The following CTSE variants were observed in gnomAD, a reference collection of about 807,000 sequenced individuals.
The protein encoded by CTSE is erythrocyte membrane aspartic proteinase.
In CTSE, 43 loss-of-function variants were observed where a neutral mutation model predicts 42.8. The observed-to-expected ratio is 1.01, with a 90% CI of 0.79 to 1.30. The LOEUF (loss-of-function observed/expected upper bound fraction) is 1.30. CTSE is among the 50% of genes most tolerant of loss of function. CTSE has a pLI of 0.00. For missense variants in CTSE, 532 were observed against 493.5 expected (o/e 1.08, Z -0.74); for synonymous variants, 205 against 191.5 (o/e 1.07, Z -0.58).
chr1:206,009,269 T>G lies in CTSE; in HGVS notation c.*914A>C, dbSNP rs1278684006. The G allele has an allele frequency of 1.3e-5, 2 of 152,120 alleles. No homozygotes were observed. The highest frequency in any genetic ancestry group is 6.8e-3 in the Middle Eastern group (2 of 294). The allele number at this position is 152,120 out of a possible 1,614,324, so 9.4% of individuals were successfully genotyped here. ...TGACCACTGAAACGATCAGGTAAAATGCTGAACTTTGTAATGAATGATTAA... is the reference window on the plus strand; with the variant it reads ...TGACCACTGAAACGATCAGGTAAAAGGCTGAACTTTGTAATGAATGATTAA... On this transcript the variant is annotated 3_prime_UTR_variant, in exon 9 of 9. Transcript: ENST00000358184.
At chr1:206,023,247 C>T (rs368596182) in intron 1 of CTSE, among the ~76,000 whole-genome samples, 190 bp from the exon 2 acceptor site, 5 of 152,024 alleles carry the variant, frequency 3.3e-5, no homozygotes, top group Non-Finnish European at 7.4e-5. Flanking sequence ...CATCTCTGCC[C>T]TATAGAGTCT....
At position 206,010,331 on chromosome 1, in the gene CTSE, A is replaced by G; in HGVS notation, c.1043T>C (p.Met348Thr). Reference sequence around the variant, plus strand: ...TTGAAAGCCACTGCTGCAGAACTGCATTCCATCCACGAAGTCCTGTGGGTT... The same window carrying G: ...TTGAAAGCCACTGCTGCAGAACTGCGTTCCATCCACGAAGTCCTGTGGGTT... ...AYTLLDFVDGMQFCSSGFQGL... is the reference protein window; with the variant it reads ...AYTLLDFVDGTQFCSSGFQGL... The change falls in exon 9 of 9, where the codon ATG (methionine) becomes ACG (threonine). Residue 348 changes from methionine (M) to threonine (T), a missense_variant. Physicochemically the swap from Met to Thr is moderately conservative, Grantham distance 81. Transcript: ENST00000358184. 1 of 1,613,596 alleles carries G rather than the reference A, an allele frequency of 6.2e-7. No individual in the cohort carries two copies. Among genetic ancestry groups the G allele is most frequent in the Non-Finnish European group, 8.5e-7 (1 of 1,179,636 alleles).
At chr1:206,021,875 T>C (rs1388717983) in intron 3 of CTSE, among the ~76,000 whole-genome samples, 1 of 152,144 alleles carries the variant, frequency 6.6e-6, no homozygotes, top group Admixed American at 6.5e-5. Context: ...AGTCATTATG[T>C]CAAAGATTTC....
chr1:206,011,710 G>T (rs1553276977), intron 8 of CTSE, among the ~76,000 whole-genome samples: 2 of 151,976 alleles, frequency 1.3e-5, no homozygotes, highest in African/African-American at 2.4e-5. Flanking sequence ...GTGTTGAAGT[G>T]TGGTGCCGAA....
At position 206,009,951 on chromosome 1, in the gene CTSE, C is replaced by T. The variant is rs1331026351; in HGVS notation, c.*232G>A. ...ATCAATACAAAATATGAATGTATAA[C>T]GTAATTCCTCCATCATGACGGTGGT... is the stretch of plus-strand genomic sequence containing the variant. On this transcript the variant is annotated 3_prime_UTR_variant, in exon 9 of 9. Transcript: ENST00000358184. The T allele has an allele frequency of 2.0e-5, 10 of 510,032 alleles. No individual in the cohort carries two copies. The highest frequency in any genetic ancestry group is 3.1e-5 in the Non-Finnish European group (9 of 287,036). 31.6% of individuals were successfully genotyped at this position (510,032 alleles called of 1,614,324 possible).
At chr1:206,011,071 A>C in intron 8 of CTSE, among the ~76,000 whole-genome samples, 1 of 152,168 alleles carries the variant, frequency 6.6e-6, no homozygotes, top group Middle Eastern at 3.4e-3. Flanking sequence ...TGATGGATCA[A>C]GGTGGCTCTG....
At position 206,015,963 on chromosome 1, in the gene CTSE, C is replaced by T. The variant is rs782568745; in HGVS notation, c.630G>A (p.Val210=). The T allele has an allele frequency of 6.2e-7, 1 of 1,613,736 alleles. No homozygotes were observed. Among genetic ancestry groups the T allele is most frequent in the Non-Finnish European group, 8.5e-7 (1 of 1,179,896 alleles). Residue 210 remains valine, a synonymous_variant, in exon 5 of 9, where the codon GTG becomes GTA. Coordinates refer to ENST00000358184, the MANE Select transcript of CTSE (RefSeq NM_001910.4). ...TGTAGACAGAAAACATCGGCAAGTC[C>T]ACCAGGTTCTGAGCCATCATGTTGT... ...VFDNMMAQNL[V]DLPMFSVYMS... is the part of the protein sequence containing the mutation.
intron 4 of CTSE, among the ~76,000 whole-genome samples, chr1:206,020,703 C>T (rs782029942): frequency 6.6e-6 from 1 of 152,004 alleles, no homozygotes; most frequent in Non-Finnish European, 1.5e-5. Flanking sequence ...CCAAATCTCT[C>T]CCCCTGGTGT....
intron 6 of CTSE, 40 bp from the exon 7 acceptor site, chr1:206,012,689 C>G (rs2102267073): frequency 6.2e-7 from 1 of 1,600,410 alleles, no homozygotes; most frequent in Non-Finnish European, 8.5e-7. Context: ...CTTCCCTCCC[C>G]CGGCTCCTAG....
chr1:206,009,803 T>C lies in CTSE; in HGVS notation c.*380A>G. On this transcript the variant is annotated 3_prime_UTR_variant, in exon 9 of 9. Coordinates refer to ENST00000358184, the MANE Select transcript of CTSE (RefSeq NM_001910.4). ...GTAGATAAACAGGCCTGGCCGTGTGTGGATGGGTTGTCAGGGCTGAGTGGA... is the reference window on the plus strand; with the variant it reads ...GTAGATAAACAGGCCTGGCCGTGTGCGGATGGGTTGTCAGGGCTGAGTGGA... 1 of 258,342 alleles carries C rather than the reference T, an allele frequency of 3.9e-6. No homozygotes were observed. Among genetic ancestry groups the C allele is most frequent in the Admixed American group, 4.9e-5 (1 of 20,330 alleles). The allele number at this position is 258,342 out of a possible 1,614,324, so 16.0% of individuals were successfully genotyped here.
chr1:206,023,150 G>A, intron 1 of CTSE, 93 bp from the exon 2 acceptor site: 4 of 461,996 alleles, frequency 8.7e-6, no homozygotes, highest in South Asian at 1.6e-5. Context: ...AACTAGAGAA[G>A]ATGGGGTGGG....
chr1:206,022,039 G>T lies in CTSE; in HGVS notation c.343+111C>A, dbSNP rs1053391436. The T allele has an allele frequency of 3.8e-5, 25 of 652,774 alleles. No individual in the cohort carries two copies. In the African/African-American group the frequency reaches 4.6e-4, roughly 12 times the overall value. 40.4% of individuals were successfully genotyped at this position (652,774 alleles called of 1,614,324 possible). A position where few individuals can be genotyped will look rare whatever the true frequency, so the allele number is the denominator to read the frequency against. ...AAGATGGAGAGTGGAAGCTGGTGTGGCAGGGATGGCCAGTTTCTGGAACCT... is the reference window on the plus strand; with the variant it reads ...AAGATGGAGAGTGGAAGCTGGTGTGTCAGGGATGGCCAGTTTCTGGAACCT... On this transcript the variant is annotated intron_variant, in intron 3 of 8. Coordinates refer to ENST00000358184, the MANE Select transcript of CTSE (RefSeq NM_001910.4).
chr1:206,013,477 C>A (rs1237776669), intron 6 of CTSE, among the ~76,000 whole-genome samples: 1 of 152,046 alleles, frequency 6.6e-6, no homozygotes, highest in Non-Finnish European at 1.5e-5. Context: ...CCATGTTACT[C>A]ATCCCTTGCC....
Position 206,013,816 on chromosome 1 carries a change from C to T in CTSE, c.741G>A (p.Trp247Ter). ...AGTAAGCTTGCTTGGTGACTGGGAC[C>T]CAATTCAGGCTCCCAGAGAAATGGG... The part of the protein sequence containing the change: ...DHSHFSGSLN[W>*]VPVTKQAYWQ... The change falls in exon 6 of 9, where the codon TGG (tryptophan) becomes TGA (stop). Residue 247 changes from tryptophan to a stop codon, truncating the protein, a stop_gained. Transcript: ENST00000358184. LOFTEE classifies it high-confidence loss of function. The T allele has an allele frequency of 6.2e-7, 1 of 1,613,788 alleles. No homozygotes were observed. The highest frequency in any genetic ancestry group is 2.2e-5 in the East Asian group (1 of 44,878).
chr1:206,010,496 C>T (rs1661062685), intron 8 of CTSE, 149 bp from the exon 9 acceptor site: 2 of 708,150 alleles, frequency 2.8e-6, no homozygotes, highest in Admixed American at 4.0e-5. Context: ...GGTTCTTCCT[C>T]CTGCTTCATA....
intron 5 of CTSE, among the ~76,000 whole-genome samples, chr1:206,015,556 C>T (rs1661237705): frequency 1.3e-5 from 2 of 151,954 alleles, no homozygotes; most frequent in Admixed American, 1.3e-4. Context: ...ATTTTATTGT[C>T]AGCTTTTCAT....
In CTSE at chr1:206,012,298, C is replaced by G. The variant is rs782262162; in HGVS notation, c.1026+10G>C. 6.2e-7 allele frequency: 1 copy of G among 1,608,694 alleles called. No homozygotes were observed. The highest frequency in any genetic ancestry group is 8.5e-7 in the Non-Finnish European group (1 of 1,175,444). ...CCCTGTGGCCTGCAGAATAAGGAAACAGTTCTTACCAGTAGGGTGTAGGCA... is the reference window on the plus strand; with the variant it reads ...CCCTGTGGCCTGCAGAATAAGGAAAGAGTTCTTACCAGTAGGGTGTAGGCA... On this transcript the variant is annotated intron_variant, in intron 8 of 8. Transcript: ENST00000358184.
intron 8 of CTSE, 38 bp from the exon 9 acceptor site, chr1:206,010,385 G>A (rs2102263770): frequency 1.9e-6 from 3 of 1,578,938 alleles, no homozygotes; most frequent in African/African-American, 1.3e-5. Context: ...GACAAACGGG[G>A]GAAGAAGGTA....
chr1:206,023,641 A>G lies in CTSE; in HGVS notation c.68+83T>C, dbSNP rs1470209437. 11 of 1,347,082 alleles carry G rather than the reference A, an allele frequency of 8.2e-6. No individual in the cohort carries two copies. In the East Asian group the frequency reaches 2.1e-4, roughly 25 times the overall value. 83.4% of individuals were successfully genotyped at this position (1,347,082 alleles called of 1,614,324 possible). The stretch of plus-strand genomic sequence containing the variant: ...AGCTTCTCCTCCTCTTCACCTCCCC[A>G]TCAGCTTTCCTACCCCAGAGCAGCC... On this transcript the variant is annotated intron_variant, in intron 1 of 8. Coordinates refer to ENST00000358184, the MANE Select transcript of CTSE (RefSeq NM_001910.4).
Sources: allele counts gnomAD v4.1 joint callset (sites outside exome capture counted in the v4.1 genomes callset), GRCh38; gene constraint gnomAD v4.1.1; transcripts MANE v1.5; gene names NCBI Gene and HGNC (gene_info 2026-07-23, HGNC 2026-07-21).